Variants in ZNF639 observed in about 807,000 individuals in gnomAD.
The protein encoded by ZNF639 is zinc finger protein 639.
ZNF639 carries 20 observed loss-of-function variants against 39.8 expected under a neutral mutation model. The ratio of observed to expected loss-of-function variants is 0.50; its 90% CI spans 0.35 to 0.73. ZNF639 has a LOEUF of 0.73. Ranked by LOEUF, ZNF639 falls within the 30% of genes least tolerant of loss-of-function variation. The probability of loss-of-function intolerance (pLI) is 0.00; values close to 1 mark genes in which losing one functional copy is unlikely to be tolerated. For synonymous variants in ZNF639, 176 were observed against 189.8 expected (o/e 0.93, Z 0.60); for missense variants, 477 against 566.2 (o/e 0.84, Z 1.60).
chr3:179,325,223 G>A (rs1727521169), intron 1 of ZNF639: 3 of 152,436 alleles, frequency 2.0e-5, no homozygotes, highest in African/African-American at 7.2e-5. Context: ...GTTTCCCCAT[G>A]TTGGTCAGGC....
Position 179,331,981 on chromosome 3 carries a change from G to T in ZNF639, c.170-1008G>T, listed in dbSNP as rs533429412. Among the ~76,000 whole-genome samples the T allele has an allele frequency of 5.9e-5, 9 of 152,112 alleles. No individual in the cohort carries two copies. The South Asian group carries it at 1.9e-3, about 32-fold the overall frequency. On this transcript the variant is annotated intron_variant, in intron 4 of 5. Coordinates refer to ENST00000496856, the MANE Select transcript of ZNF639 (RefSeq NM_001303426.2). ...TAATCATTTTAAAAAAAAGAAAGCA[G>T]ACAAATTCCATTAGCAAGGCATCCT...
chr3:179,332,508 C>T (rs1727973731), intron 4 of ZNF639, among the ~76,000 whole-genome samples: 1 of 152,150 alleles, frequency 6.6e-6, no homozygotes, highest in Non-Finnish European at 1.5e-5. Context: ...GTCCTATCTA[C>T]TCAGGAGGCT....
At chr3:179,328,891 T>C (rs923277707) in intron 3 of ZNF639, among the ~76,000 whole-genome samples, 1 of 151,758 alleles carries the variant, frequency 6.6e-6, no homozygotes, top group African/African-American at 2.4e-5. Flanking sequence ...TTCTCCTGCC[T>C]CAGCCTCCCA....
chr3:179,332,918 T>G, intron 4 of ZNF639, 71 bp from the exon 5 acceptor site: 4 of 1,446,060 alleles, frequency 2.8e-6, no homozygotes, highest in Non-Finnish European at 3.6e-6. Context: ...ATTTAAAAAT[T>G]GATGCTTTGT....
rs200674753 is a variant in ZNF639 at position 179,333,133 on chromosome 3, A to G, written c.304+10A>G. The G allele has an allele frequency of 9.5e-6, 15 of 1,587,122 alleles. No individual in the cohort carries two copies. Among genetic ancestry groups the G allele is most frequent in the Non-Finnish European group, 1.2e-5 (14 of 1,170,696 alleles). On this transcript the variant is annotated intron_variant, in intron 5 of 5. Transcript: ENST00000496856. Reference sequence around the variant, plus strand: ...ACTGCCTTTTCTACAGGTTGGGGGAACTAATTTATAGCATTGATATATTTT... The same window carrying G: ...ACTGCCTTTTCTACAGGTTGGGGGAGCTAATTTATAGCATTGATATATTTT...
intron 2 of ZNF639, 49 bp from the exon 3 acceptor site, chr3:179,328,234 T>C (rs574261758): frequency 2.3e-5 from 25 of 1,071,538 alleles, no homozygotes; most frequent in Non-Finnish European, 3.2e-5. Flanking sequence ...ATAACGTCAT[T>C]AACAGTTGTT....
chr3:179,327,308 G>C (rs980169983), intron 1 of ZNF639, among the ~76,000 whole-genome samples: 6 of 152,044 alleles, frequency 3.9e-5, no homozygotes, highest in Non-Finnish European at 8.8e-5. Flanking sequence ...CTATAGGTCA[G>C]GCATGAGACT....
chr3:179,332,972 C>T lies in ZNF639; in HGVS notation c.170-17C>T. 1 of 1,530,062 alleles carries T rather than the reference C, an allele frequency of 6.5e-7. No homozygotes were observed. The highest frequency in any genetic ancestry group is 1.3e-5 in the South Asian group (1 of 79,514). The allele number at this position is 1,530,062 out of a possible 1,614,324, so 94.8% of individuals were successfully genotyped here. A position where few individuals can be genotyped will look rare whatever the true frequency, so the allele number is the denominator to read the frequency against. On this transcript the variant is annotated splice_polypyrimidine_tract_variant and intron_variant, in intron 4 of 5. Transcript: ENST00000496856. ...ATTGTATAAATAATAAGTATTCTTC[C>T]AAATCCCTTTTTACAGATGATGATT...
In ZNF639 at chr3:179,323,148, C is replaced by G; in HGVS notation, c.-226C>G. ...CGGGGAGGGAGAGGGGTCGGCCCAG[C>G]ACAGCGTCCGGGAGCGCTAGGGCCG... On this transcript the variant is annotated 5_prime_UTR_variant, in exon 1 of 6. Coordinates refer to ENST00000496856, the MANE Select transcript of ZNF639 (RefSeq NM_001303426.2). The G allele has an allele frequency of 1.0e-6, 1 of 984,624 alleles. No individual in the cohort carries two copies. Among genetic ancestry groups the G allele is most frequent in the Non-Finnish European group, 1.2e-6 (1 of 829,760 alleles). The allele number at this position is 984,624 out of a possible 1,614,324, so 61.0% of individuals were successfully genotyped here.
chr3:179,334,189 G>A lies in ZNF639; in HGVS notation c.1225G>A (p.Gly409Arg), dbSNP rs779892665. 5.6e-6 allele frequency: 9 copies of A among 1,613,864 alleles called. No individual in the cohort carries two copies. Among genetic ancestry groups the A allele is most frequent in the Non-Finnish European group, 6.8e-6 (8 of 1,179,958 alleles). The part of the protein sequence containing the change: ...KIFPHVCDDC[G>R]KGFSSMLEYC... ...TTTTCCTCATGTTTGTGATGACTGT[G>A]GGAAAGGCTTTTCAAGTATGCTAGA... Residue 409 changes from glycine to arginine, a missense_variant, in exon 6 of 6, where the codon GGG becomes AGG. By Grantham distance (125) the Gly-to-Arg change is moderately radical. Coordinates refer to ENST00000496856, the MANE Select transcript of ZNF639 (RefSeq NM_001303426.2).
Position 179,337,710 on chromosome 3 carries a change from C to A in ZNF639, c.*3288C>A, listed in dbSNP as rs9824117. 0.027 allele frequency: 4,159 copies of A among 152,214 alleles called. 186 individuals are homozygous for A. Among genetic ancestry groups the A allele is most frequent in the African/African-American group, 0.096 (3,964 of 41,498 alleles). 9.4% of individuals were successfully genotyped at this position (152,214 alleles called of 1,614,324 possible). On this transcript the variant is annotated 3_prime_UTR_variant, in exon 6 of 6. Transcript: ENST00000496856. Reference sequence around the variant, plus strand: ...GACAGTTTGTCCCACAAAACCTTTTCGCCTTGGCCCAGTTTTCAAATCAAT... The same window carrying A: ...GACAGTTTGTCCCACAAAACCTTTTAGCCTTGGCCCAGTTTTCAAATCAAT...
Position 179,336,469 on chromosome 3 carries a change from G to A in ZNF639, c.*2047G>A, listed in dbSNP as rs531654485. On this transcript the variant is annotated 3_prime_UTR_variant, in exon 6 of 6. Coordinates refer to ENST00000496856, the MANE Select transcript of ZNF639 (RefSeq NM_001303426.2). ...GTATTATTTTTATCCCCACTATTTT[G>A]TTGTATGTGCATACCTGTGTTCCTA... The A allele has an allele frequency of 1.3e-5, 2 of 152,300 alleles. No homozygotes were observed. Among genetic ancestry groups the A allele is most frequent in the African/African-American group, 4.8e-5 (2 of 41,564 alleles). The allele number at this position is 152,300 out of a possible 1,614,324, so 9.4% of individuals were successfully genotyped here. A position where few individuals can be genotyped will look rare whatever the true frequency, so the allele number is the denominator to read the frequency against.
At chr3:179,322,995 C>T (rs1727361267), upstream of ZNF639, 1 of 985,112 alleles carries the variant, frequency 1.0e-6, no homozygotes, top group Non-Finnish European at 1.2e-6. Context: ...GCCCCCACCT[C>T]ACCTCGTCAC....
chr3:179,333,524 T>G lies in ZNF639; in HGVS notation c.560T>G (p.Val187Gly). The change falls in exon 6 of 6, where the codon GTG (valine) becomes GGG (glycine). Residue 187 changes from valine (V) to glycine (G), a missense_variant. Transcript: ENST00000496856. Reference sequence around the variant, plus strand: ...CTTGACAAGAGCCAAGCTTTGAATGTGACTGCCCAGCAGAAATGGCCTTTA... The same window carrying G: ...CTTGACAAGAGCCAAGCTTTGAATGGGACTGCCCAGCAGAAATGGCCTTTA... Reference protein sequence around the residue: ...KILDKSQALNVTAQQKWPLLR... With the variant: ...KILDKSQALNGTAQQKWPLLR... The G allele has an allele frequency of 6.2e-7, 1 of 1,614,174 alleles. No individual in the cohort carries two copies. The highest frequency in any genetic ancestry group is 8.5e-7 in the Non-Finnish European group (1 of 1,180,046).
chr3:179,332,368 A>G (rs956581266), intron 4 of ZNF639, among the ~76,000 whole-genome samples: 1 of 152,232 alleles, frequency 6.6e-6, no homozygotes, highest in African/African-American at 2.4e-5. Context: ...CACGCCTGTA[A>G]TCCCAGGTCT....
intron 3 of ZNF639, among the ~76,000 whole-genome samples, chr3:179,329,371 AAAAC>A (rs1239854135): frequency 6.6e-6 from 1 of 152,222 alleles, no homozygotes; most frequent in Non-Finnish European, 1.5e-5. Context: ...TTCTGAGTAT[AAAAC>A]AAATGTATCC....
rs747178992 is a variant in ZNF639 at position 179,334,173 on chromosome 3, T to C, written c.1209T>C (p.His403=). Residue 403 remains histidine (H), a synonymous_variant, in exon 6 of 6, where the codon CAT becomes CAC. Transcript: ENST00000496856. ...VAIEHTKIFP[H]VCDDCGKGFS... ...TTGAACATACAAAAATTTTTCCTCA[T>C]GTTTGTGATGACTGTGGGAAAGGCT... 3 of 1,614,146 alleles carry C rather than the reference T, an allele frequency of 1.9e-6. No homozygotes were observed. The South Asian group carries it at 3.3e-5, about 18-fold the overall frequency.
Position 179,334,281 on chromosome 3 carries a change from A to G in ZNF639, c.1317A>G (p.Ser439=), listed in dbSNP as rs750718811. The G allele has an allele frequency of 1.2e-5, 19 of 1,613,154 alleles. No homozygotes were observed. The East Asian group carries it at 3.6e-4, about 30-fold the overall frequency. The change falls in exon 6 of 6, where the codon TCA becomes TCG. Residue 439 remains serine (S), a synonymous_variant. Transcript: ENST00000496856. The part of the protein sequence containing the change: ...GIYLCQYCEY[S]TGQIEDLKIH... ...ATTTATGTCAATATTGTGAATATTC[A>G]ACAGGACAAATTGAAGATCTTAAAA...
chr3:179,322,917 C>A, upstream of ZNF639: 5 of 985,002 alleles, frequency 5.1e-6, no homozygotes, highest in Non-Finnish European at 6.0e-6. Flanking sequence ...GCTGGGCCTC[C>A]CCCGGGGCTG....
Sources: gnomAD v4.1 joint callset for allele counts (sites outside exome capture counted in the v4.1 genomes callset) on GRCh38, gnomAD v4.1.1 for gene constraint, MANE v1.5 for transcripts, NCBI Gene and HGNC (gene_info 2026-07-23, HGNC 2026-07-21) for gene names.